The following MLF1 variants were observed in gnomAD, a reference collection of about 807,000 sequenced individuals.
MLF1 encodes the protein myeloid leukemia factor 1, also known as myelodysplasia-myeloid leukemia factor 1.
MLF1 carries 37 observed loss-of-function variants against 38.3 expected under a neutral mutation model. The ratio of observed to expected loss-of-function variants is 0.96; its 90% CI spans 0.74 to 1.27. The LOEUF (loss-of-function observed/expected upper bound fraction) is 1.27. MLF1 is among the 50% of genes most tolerant of loss of function. The pLI, the probability that MLF1 is intolerant of heterozygous loss-of-function variation, is 0.00. For synonymous variants in MLF1, 95 were observed against 106.5 expected (o/e 0.89, Z 0.66); for missense variants, 331 against 349.2 (o/e 0.95, Z 0.42).
chr3:158,572,488 G>A lies in MLF1; in HGVS notation c.47+1141G>A, dbSNP rs115159194. Among the ~76,000 whole-genome samples, 172 of 128,946 alleles carry A rather than the reference G, an allele frequency of 1.3e-3. 2 individuals carry two copies. The highest frequency in any genetic ancestry group is 5.1e-3 in the African/African-American group (166 of 32,672). The allele number at this position is 128,946 out of a possible 152,430, so 84.6% of individuals were successfully genotyped here. On this transcript the variant is annotated intron_variant, in intron 1 of 7. Transcript: ENST00000466246. ...GTGGATGGAGGAGGATTTAGGGGCT[G>A]AGGAGGATTTGGGGGCATGAGGTGT...
In MLF1 at chr3:158,605,206, G is replaced by A; in HGVS notation, c.*4G>A. The A allele has an allele frequency of 1.9e-6, 3 of 1,604,944 alleles. No individual in the cohort carries two copies. Among genetic ancestry groups the A allele is most frequent in the Non-Finnish European group, 2.6e-6 (3 of 1,173,136 alleles). ...TGTGAAAAGCAACAAAAAATAAATA[G>A]CCATGCATTTGATTTGTTTAGTTTT... On this transcript the variant is annotated 3_prime_UTR_variant, in exon 8 of 8. Transcript: ENST00000466246.
At chr3:158,592,649 AG>A in intron 2 of MLF1, 68 bp downstream of exon 2, 1 of 1,235,406 alleles carries the variant, frequency 8.1e-7, no homozygotes, top group Non-Finnish European at 1.1e-6. Flanking sequence ...GTATTACAGA[AG>A]TATATATCTA....
At chr3:158,573,742 G>T (rs1005416666) in intron 1 of MLF1, among the ~76,000 whole-genome samples, 7 of 152,106 alleles carry the variant, frequency 4.6e-5, no homozygotes, top group Non-Finnish European at 5.9e-5. Context: ...TTTTAAAAAG[G>T]TCTTAAAATA....
intron 1 of MLF1, chr3:158,588,971 A>G: frequency 2.2e-6 from 1 of 445,784 alleles, no homozygotes; most frequent in Non-Finnish European, 4.5e-6. Flanking sequence ...AACCAAGTAT[A>G]GTTTAAATAG....
At chr3:158,602,591 A>G (rs1576693543) in intron 6 of MLF1, among the ~76,000 whole-genome samples, 1 of 152,346 alleles carries the variant, frequency 6.6e-6, no homozygotes, top group East Asian at 1.9e-4. Context: ...AAAATAGATC[A>G]TCAATAACTA....
At chr3:158,584,443 C>T (rs1418051982) in intron 1 of MLF1, among the ~76,000 whole-genome samples, 2 of 152,112 alleles carry the variant, frequency 1.3e-5, no homozygotes, top group Non-Finnish European at 2.9e-5. Flanking sequence ...CCCTATACAA[C>T]ATAATATCCA....
chr3:158,591,250 C>T lies in MLF1; in HGVS notation c.48-1184C>T, dbSNP rs189607179. On this transcript the variant is annotated intron_variant, in intron 1 of 7. Transcript: ENST00000466246. ...TCTTGGCTCACTGCAACTTCTGCCT[C>T]CCGGGTTCAAGCAATTCTCCTGCCT... 15 of 422,462 alleles carry T rather than the reference C, an allele frequency of 3.6e-5. No homozygotes were observed. In the East Asian group the frequency reaches 9.2e-4, roughly 26 times the overall value. 26.2% of individuals were successfully genotyped at this position (422,462 alleles called of 1,614,324 possible).
chr3:158,598,285 T>A, intron 5 of MLF1, 77 bp downstream of exon 5: 7 of 1,315,890 alleles, frequency 5.3e-6, no homozygotes, highest in South Asian at 2.9e-5. Context: ...TTTTAACTAT[T>A]AAAATTTAAT....
intron 1 of MLF1, among the ~76,000 whole-genome samples, chr3:158,577,730 A>G (rs1715676421): frequency 6.6e-6 from 1 of 152,226 alleles, no homozygotes; most frequent in African/African-American, 2.4e-5. Flanking sequence ...TTAGGAGCCC[A>G]GGAACACAGC....
In MLF1 at chr3:158,606,326, C is replaced by CT. The variant is rs1477192234; in HGVS notation, c.*1128dup. ...TCACTCTATAATCCTAAGTATTTTT[C>CT]TTTTCAATTTTGTAAGTAAAATTAT... On this transcript the variant is annotated 3_prime_UTR_variant, in exon 8 of 8. Coordinates refer to ENST00000466246, the MANE Select transcript of MLF1 (RefSeq NM_001369783.1). 5.9e-6 allele frequency: 1 copy of CT among 170,794 alleles called. No individual in the cohort carries two copies. Among genetic ancestry groups the CT allele is most frequent in the Non-Finnish European group, 1.3e-5 (1 of 78,846 alleles). 10.6% of individuals were successfully genotyped at this position (170,794 alleles called of 1,614,324 possible).
At chr3:158,605,073 A>T in intron 7 of MLF1, 24 bp from the exon 8 acceptor site, 1 of 1,522,876 alleles carries the variant, frequency 6.6e-7, no homozygotes, top group Non-Finnish European at 9.1e-7. Flanking sequence ...AAATGATATT[A>T]ATATTCACAT....
rs1719205458 is a variant in MLF1, at chr3:158,598,321, G to A, written c.453+113G>A. On this transcript the variant is annotated intron_variant, in intron 5 of 7. Coordinates refer to ENST00000466246, the MANE Select transcript of MLF1 (RefSeq NM_001369783.1). ...CTGGTACAAGATGGTGGGGGGACAG[G>A]AGGGAGGTGTGGGGGTTGGGGGTAA... is the stretch of plus-strand genomic sequence containing the variant. The A allele has an allele frequency of 4.6e-5, 45 of 982,214 alleles. 2 individuals are homozygous for A. The South Asian group carries it at 7.9e-4, about 17-fold the overall frequency. 60.8% of individuals were successfully genotyped at this position (982,214 alleles called of 1,614,324 possible).
At position 158,589,176 on chromosome 3, in the gene MLF1, ATTAT is replaced by A. The variant is rs967612897; in HGVS notation, c.48-3239_48-3236del. The stretch of plus-strand genomic sequence containing the variant: ...ATAGGATGGTTCAAATTCCATAAAC[ATTAT>A]TTATTTATTTATTTATTTTGAATTT... On this transcript the variant is annotated intron_variant, in intron 1 of 7. Transcript: ENST00000466246. 6.6e-5 allele frequency among the ~76,000 whole-genome samples: 10 copies of A among 152,150 alleles called. No individual in the cohort carries two copies. The South Asian group carries it at 1.2e-3, about 19-fold the overall frequency.
intron 4 of MLF1, 131 bp downstream of exon 4, chr3:158,597,076 A>T: frequency 1.8e-6 from 1 of 541,744 alleles, no homozygotes; most frequent in East Asian, 3.0e-5. Context: ...CCAATAAGCA[A>T]TATTTGTATA....
intron 1 of MLF1, among the ~76,000 whole-genome samples, chr3:158,575,386 C>A (rs1715273403): frequency 6.6e-6 from 1 of 152,138 alleles, no homozygotes; most frequent in Non-Finnish European, 1.5e-5. Flanking sequence ...TCACACTTAA[C>A]AATTTCTTTT....
At chr3:158,592,718 G>A (rs1456680013) in intron 2 of MLF1, 137 bp downstream of exon 2, 3 of 702,950 alleles carry the variant, frequency 4.3e-6, no homozygotes, top group African/African-American at 1.8e-5. Flanking sequence ...ATAAAAGGGG[G>A]GACCTTTGGA....
At chr3:158,588,319 A>G (rs553455937) in intron 1 of MLF1, among the ~76,000 whole-genome samples, 45 of 152,376 alleles carry the variant, frequency 3.0e-4, no homozygotes, top group Admixed American at 9.1e-4. Flanking sequence ...AAATTGTGAC[A>G]TAACAAATGT....
chr3:158,595,694 A>G (rs1300459733), intron 3 of MLF1, among the ~76,000 whole-genome samples: 1 of 152,150 alleles, frequency 6.6e-6, no homozygotes, highest in Non-Finnish European at 1.5e-5. Flanking sequence ...TGTTCCCTAC[A>G]ATATTAAGTG....
At position 158,606,073 on chromosome 3, in the gene MLF1, CA is replaced by C; in HGVS notation, c.*875del. 1.1e-5 allele frequency: 2 copies of C among 181,670 alleles called. No individual in the cohort carries two copies. Among genetic ancestry groups the C allele is most frequent in the Non-Finnish European group, 1.2e-5 (1 of 85,194 alleles). 11.3% of individuals were successfully genotyped at this position (181,670 alleles called of 1,614,324 possible). On this transcript the variant is annotated 3_prime_UTR_variant, in exon 8 of 8. Coordinates refer to ENST00000466246, the MANE Select transcript of MLF1 (RefSeq NM_001369783.1). The stretch of plus-strand genomic sequence containing the variant: ...TCCAAACCAGAATGATACATTGTCT[CA>C]AAATCTGTTAGACAGCTGATGGGTG...
Sources: allele counts gnomAD v4.1 joint callset (sites outside exome capture counted in the v4.1 genomes callset), GRCh38; gene constraint gnomAD v4.1.1; transcripts MANE v1.5; gene names NCBI Gene and HGNC (gene_info 2026-07-23, HGNC 2026-07-21).